RALYL: variants seen among roughly 807,000 people sequenced by gnomAD.
RALYL encodes RALY RNA binding protein like, also known as RNA-binding Raly-like protein.
RALYL carries 29 observed loss-of-function variants against 35.1 expected under a neutral mutation model. The observed-to-expected ratio is 0.83, with a 90% confidence interval of 0.61 to 1.13. The LOEUF is 1.13. Among genes scored for constraint, RALYL ranks in the 50% most tolerant of loss-of-function variants. The pLI is 0.00. For synonymous variants in RALYL, 120 were observed against 127.6 expected (o/e 0.94, Z 0.40); for missense variants, 359 against 360.4 (o/e 1.00, Z 0.03).
intron 1 of RALYL, among the ~76,000 whole-genome samples, chr8:84,473,822 A>G (rs1009152520): frequency 6.6e-6 from 1 of 151,970 alleles, no homozygotes; most frequent in Non-Finnish European, 1.5e-5. Flanking sequence ...CTGATCTATC[A>G]TGTGAAACCA....
At chr8:84,835,021 C>A (rs143428711) in intron 4 of RALYL, among the ~76,000 whole-genome samples, 41 of 152,172 alleles carry the variant, frequency 2.7e-4, no homozygotes, top group African/African-American at 8.7e-4. Context: ...CTACATTGAA[C>A]AGTTAAAACA....
At chr8:84,432,289 G>T (rs1213077426) in intron 1 of RALYL, among the ~76,000 whole-genome samples, 1 of 152,082 alleles carries the variant, frequency 6.6e-6, no homozygotes, top group Non-Finnish European at 1.5e-5. Flanking sequence ...AGAAAAACAA[G>T]TACTGCAGTA....
In RALYL at chr8:84,480,966, T is replaced by C. The variant is rs189078274; in HGVS notation, c.-23-48333T>C. On this transcript the variant is annotated intron_variant, in intron 1 of 8. Coordinates refer to ENST00000521268, the MANE Select transcript of RALYL (RefSeq NM_173848.7). ...TTTCCATATTCCTGCATTGTTTTTA[T>C]ACTATTTTAATGTTTAGTATTATCT... Among the ~76,000 whole-genome samples the C allele has an allele frequency of 2.9e-3, 436 of 152,286 alleles. 3 individuals carry two copies. The highest frequency in any genetic ancestry group is 9.9e-3 in the African/African-American group (410 of 41,574).
intron 1 of RALYL, among the ~76,000 whole-genome samples, chr8:84,464,495 A>G (rs2051273061): frequency 6.6e-6 from 1 of 151,130 alleles, no homozygotes. Flanking sequence ...GCTGCATAGT[A>G]TTCCATGGTG....
chr8:84,713,819 T>C (rs1172584376), intron 2 of RALYL, among the ~76,000 whole-genome samples: 1 of 150,576 alleles, frequency 6.6e-6, no homozygotes, highest in Non-Finnish European at 1.5e-5. Flanking sequence ...AAAGTCAAGA[T>C]TGGAATCAAC....
At chr8:84,423,286 C>T (rs1389345542) in intron 1 of RALYL, among the ~76,000 whole-genome samples, 1 of 151,202 alleles carries the variant, frequency 6.6e-6, no homozygotes, top group Non-Finnish European at 1.5e-5. Context: ...TTGAATTGAT[C>T]CCTTTACCAT....
At chr8:84,915,180 C>A (rs1848265392) in intron 8 of RALYL, among the ~76,000 whole-genome samples, 1 of 152,076 alleles carries the variant, frequency 6.6e-6, no homozygotes, top group African/African-American at 2.4e-5. Flanking sequence ...CCCATGCCCA[C>A]AAGCTTAGCC....
At chr8:84,856,754 C>A (rs1340581916) in intron 5 of RALYL, among the ~76,000 whole-genome samples, 2 of 152,090 alleles carry the variant, frequency 1.3e-5, no homozygotes, top group Non-Finnish European at 2.9e-5. Context: ...GTGGGCCGGG[C>A]GCGGTGGCTC....
At chr8:84,717,973 G>A (rs1019189766) in intron 2 of RALYL, among the ~76,000 whole-genome samples, 2 of 152,180 alleles carry the variant, frequency 1.3e-5, no homozygotes, top group South Asian at 4.1e-4. Flanking sequence ...TTTTTATGAA[G>A]CTATTTATGG....
At chr8:84,398,238 C>A (rs1445190312) in intron 1 of RALYL, among the ~76,000 whole-genome samples, 2 of 152,076 alleles carry the variant, frequency 1.3e-5, no homozygotes, top group African/African-American at 4.8e-5. Context: ...GCTTGATCCG[C>A]AAGCACTTTG....
At chr8:84,404,061 T>C (rs1433719865) in intron 1 of RALYL, among the ~76,000 whole-genome samples, 1 of 152,040 alleles carries the variant, frequency 6.6e-6, no homozygotes, top group East Asian at 1.9e-4. Context: ...CTTATCAGCT[T>C]AAGGAGTTTT....
intron 8 of RALYL, among the ~76,000 whole-genome samples, chr8:84,893,738 A>T (rs777467696): frequency 6.6e-6 from 1 of 152,236 alleles, no homozygotes; most frequent in African/African-American, 2.4e-5. Flanking sequence ...TTGAAACTAC[A>T]GAGCTAAACC....
At chr8:84,482,052 C>T (rs960028722) in intron 1 of RALYL, among the ~76,000 whole-genome samples, 32 of 152,162 alleles carry the variant, frequency 2.1e-4, no homozygotes, top group Admixed American at 1.6e-3. Context: ...TGGTCTCATA[C>T]TTATATCCAA....
At chr8:84,385,777 A>G (rs1449120422) in intron 1 of RALYL, among the ~76,000 whole-genome samples, 1 of 151,860 alleles carries the variant, frequency 6.6e-6, no homozygotes, top group Non-Finnish European at 1.5e-5. Flanking sequence ...CAATTCAGGC[A>G]TCTCACAGAC....
chr8:84,341,861 G>A (rs1053956947), intron 1 of RALYL, among the ~76,000 whole-genome samples: 1 of 151,806 alleles, frequency 6.6e-6, no homozygotes, highest in Non-Finnish European at 1.5e-5. Flanking sequence ...TCTATCATTT[G>A]AGAGTTATGG....
At chr8:84,843,291 A>G (rs1833844804) in intron 4 of RALYL, among the ~76,000 whole-genome samples, 2 of 152,166 alleles carry the variant, frequency 1.3e-5, no homozygotes, top group South Asian at 2.1e-4. Flanking sequence ...AAATCAATGT[A>G]CAAAAATCAC....
chr8:84,534,953 T>C (rs1226733472), intron 2 of RALYL, among the ~76,000 whole-genome samples: 2 of 152,196 alleles, frequency 1.3e-5, no homozygotes, highest in African/African-American at 4.8e-5. Context: ...ATATATACTT[T>C]ATTCAAAAGT....
intron 2 of RALYL, among the ~76,000 whole-genome samples, chr8:84,698,853 C>T (rs1217790145): frequency 2.6e-5 from 4 of 152,136 alleles, no homozygotes; most frequent in Non-Finnish European, 5.9e-5. Flanking sequence ...CTGGTCCCCA[C>T]CATTGTCCTG....
chr8:84,918,052 A>G (rs950297605), intron 8 of RALYL, among the ~76,000 whole-genome samples: 1 of 152,006 alleles, frequency 6.6e-6, no homozygotes, highest in Admixed American at 6.6e-5. Context: ...TTGCTTTTCT[A>G]TAAAGTGTTA....
Sources: allele counts gnomAD v4.1 joint callset (sites outside exome capture counted in the v4.1 genomes callset), GRCh38; gene constraint gnomAD v4.1.1; transcripts MANE v1.5; gene names NCBI Gene and HGNC (gene_info 2026-07-23, HGNC 2026-07-21).